Variants in EML1 observed in about 807,000 individuals in gnomAD.
EML1 encodes echinoderm microtubule-associated protein-like 1.
EML1 carries 27 observed loss-of-function variants against 110.4 expected under a neutral mutation model. The ratio of observed to expected loss-of-function variants is 0.24; its 90% CI spans 0.18 to 0.34. The LOEUF is 0.34. Ranked by LOEUF, EML1 falls within the 10% of genes least tolerant of loss-of-function variation. The pLI, the probability that EML1 is intolerant of heterozygous loss-of-function variation, is 1.00. For synonymous variants in EML1, 344 were observed against 385.8 expected, an observed-to-expected ratio of 0.89 and a Z score of 1.27; for missense variants, 741 against 1,030.9, an observed-to-expected ratio of 0.72 and a Z score of 3.85.
intron 1 of EML1, among the ~76,000 whole-genome samples, chr14:99,796,125 T>G (rs1446812581): frequency 6.7e-6 from 1 of 150,108 alleles, no homozygotes; most frequent in Non-Finnish European, 1.5e-5. Context: ...AGTTTGAAGC[T>G]GCAGTGAGCT....
intron 1 of EML1, among the ~76,000 whole-genome samples, chr14:99,785,033 G>A (rs1265834324): frequency 1.3e-5 from 2 of 152,110 alleles, no homozygotes; most frequent in South Asian, 2.1e-4. Context: ...ACTTCGCTAT[G>A]TAGGCTTCTT....
intron 3 of EML1, among the ~76,000 whole-genome samples, chr14:99,873,498 G>A (rs2059238990): frequency 6.6e-6 from 1 of 152,184 alleles, no homozygotes. Flanking sequence ...TTGAAACGTA[G>A]GTGATAAATC....
At chr14:99,763,966 G>T (rs527875573) in intron 1 of EML1, among the ~76,000 whole-genome samples, 2 of 152,188 alleles carry the variant, frequency 1.3e-5, no homozygotes, top group African/African-American at 2.4e-5. Context: ...GCAGCTGGGG[G>T]TGTGTTGGGG....
At chr14:99,804,851 G>A (rs2057942551) in intron 1 of EML1, among the ~76,000 whole-genome samples, 1 of 152,066 alleles carries the variant, frequency 6.6e-6, no homozygotes, top group African/African-American at 2.4e-5. Flanking sequence ...AGCATCCCCC[G>A]GAAGTTCCCC....
At chr14:99,802,584 C>T (rs1333989545) in intron 1 of EML1, among the ~76,000 whole-genome samples, 2 of 152,108 alleles carry the variant, frequency 1.3e-5, no homozygotes, top group South Asian at 2.1e-4. Flanking sequence ...TCAAGGCTGA[C>T]GCCCAGGTCT....
intron 1 of EML1, among the ~76,000 whole-genome samples, chr14:99,796,834 C>G (rs1280418949): frequency 4.6e-5 from 7 of 151,926 alleles, no homozygotes; most frequent in African/African-American, 1.7e-4. Flanking sequence ...AACGGAGGCT[C>G]GAAGAGATTT....
intron 1 of EML1, among the ~76,000 whole-genome samples, chr14:99,755,744 TG>T (rs1217633497): frequency 1.3e-5 from 2 of 152,190 alleles, no homozygotes; most frequent in Non-Finnish European, 2.9e-5. Flanking sequence ...GCTGGCTCCA[TG>T]CCAACCCCCG....
intron 3 of EML1, among the ~76,000 whole-genome samples, chr14:99,876,130 C>T (rs1350130385): frequency 7.2e-6 from 1 of 138,086 alleles, no homozygotes; most frequent in African/African-American, 2.5e-5. Context: ...GGTGTATAGA[C>T]AGAGGAGACA....
At chr14:99,766,474 G>A (rs904809446) in intron 1 of EML1, among the ~76,000 whole-genome samples, 4 of 152,114 alleles carry the variant, frequency 2.6e-5, no homozygotes, top group African/African-American at 7.2e-5. Flanking sequence ...GATTACAGGC[G>A]TGAGCCACCA....
At chr14:99,841,676 G>A (rs1305744617) in intron 1 of EML1, among the ~76,000 whole-genome samples, 1 of 152,208 alleles carries the variant, frequency 6.6e-6, no homozygotes, top group Non-Finnish European at 1.5e-5. Context: ...AGGCTGCAGA[G>A]TGGCTTTCAG....
At chr14:99,755,789 A>G (rs2057244642) in intron 1 of EML1, among the ~76,000 whole-genome samples, 1 of 152,058 alleles carries the variant, frequency 6.6e-6, no homozygotes, top group South Asian at 2.1e-4. Flanking sequence ...TGTTGTGTGC[A>G]TGGTAGGTGT....
At chr14:99,817,079 A>G (rs1017072059) in intron 1 of EML1, among the ~76,000 whole-genome samples, 2 of 146,654 alleles carry the variant, frequency 1.4e-5, no homozygotes, top group Non-Finnish European at 3.0e-5. Flanking sequence ...AGGCTGGTAC[A>G]AGTTTTCCAA....
At position 99,784,962 on chromosome 14, in the gene EML1, A is replaced by G. The variant is rs756502515; in HGVS notation, c.-27+10949A>G. On this transcript the variant is annotated intron_variant, in intron 1 of 22. Coordinates refer to the EML1 transcript ENST00000327921. This position sits in a 1 kb window ranked among gnomAD's most constrained non-coding sequence, Gnocchi z 4.5. ...AAAAGCAGAGGGATTGACAGGGGCC[A>G]AAGAACTGGAAGAACTAGAGGAGCC... 6.6e-6 allele frequency among the ~76,000 whole-genome samples: 1 copy of G among 152,246 alleles called. No homozygotes were observed. The highest frequency in any genetic ancestry group is 1.5e-5 in the Non-Finnish European group (1 of 68,028).
chr14:99,802,263 A>G (rs2057894788), intron 1 of EML1, among the ~76,000 whole-genome samples: 1 of 152,030 alleles, frequency 6.6e-6, no homozygotes, highest in South Asian at 2.1e-4. Context: ...TAGGACTGGG[A>G]GCGTGTTTTG....
At chr14:99,894,017 TTC>T (rs762190416) in intron 5 of EML1, among the ~76,000 whole-genome samples, 15 of 152,342 alleles carry the variant, frequency 9.8e-5, no homozygotes, top group Middle Eastern at 6.8e-3. Context: ...GCATCCTGAT[TTC>T]TCTCTCTAAT....
At chr14:99,779,364 T>C (rs933194269) in intron 1 of EML1, among the ~76,000 whole-genome samples, 3 of 152,230 alleles carry the variant, frequency 2.0e-5, no homozygotes, top group African/African-American at 4.8e-5. Flanking sequence ...TCTTATTTTG[T>C]GGATGCAATA....
At chr14:99,836,025 T>C (rs1411457808) in intron 1 of EML1, among the ~76,000 whole-genome samples, 1 of 150,342 alleles carries the variant, frequency 6.7e-6, no homozygotes, top group African/African-American at 2.5e-5. Context: ...GTCTTTTGCC[T>C]TTGCATATAA....
chr14:99,901,560 T>C (rs1427813275), intron 9 of EML1, among the ~76,000 whole-genome samples: 1 of 152,232 alleles, frequency 6.6e-6, no homozygotes, highest in Non-Finnish European at 1.5e-5. Flanking sequence ...GTTGCCCATT[T>C]TTATGACTAT....
chr14:99,919,256 C>T (rs1465197689), intron 16 of EML1, among the ~76,000 whole-genome samples: 2 of 152,118 alleles, frequency 1.3e-5, no homozygotes, highest in African/African-American at 2.4e-5. Flanking sequence ...TCTAAAAAAG[C>T]GTAGCACTTA....
Sources: allele counts gnomAD v4.1 joint callset (sites outside exome capture counted in the v4.1 genomes callset), GRCh38; gene constraint gnomAD v4.1.1; non-coding constraint Gnocchi (gnomAD v3.1); transcripts MANE v1.5; gene names NCBI Gene and HGNC (gene_info 2026-07-23, HGNC 2026-07-21).